Variants in MYO3B observed in about 807,000 individuals in gnomAD.
MYO3B encodes the protein myosin-IIIb.
In MYO3B, 156 loss-of-function variants were observed where a neutral mutation model predicts 174.6. The observed-to-expected ratio is 0.89, with a 90% CI of 0.78 to 1.02. The LOEUF (loss-of-function observed/expected upper bound fraction) is 1.02. MYO3B is among the 50% of genes least tolerant of loss of function. The pLI, the probability that MYO3B is intolerant of heterozygous loss-of-function variation, is 0.00. For synonymous variants in MYO3B, 563 were observed against 569.1 expected, an observed-to-expected ratio of 0.99 and a Z score of 0.15; for missense variants, 1,632 against 1,639.4, an observed-to-expected ratio of 1.00 and a Z score of 0.08.
At chr2:170,360,561 A>G (rs564167007) in intron 8 of MYO3B, among the ~76,000 whole-genome samples, 1 of 152,358 alleles carries the variant, frequency 6.6e-6, no homozygotes, top group East Asian at 1.9e-4. Flanking sequence ...TGAGCACAGT[A>G]TTATTAAAAT....
intron 7 of MYO3B, among the ~76,000 whole-genome samples, chr2:170,272,617 C>G (rs1289531290): frequency 6.6e-6 from 1 of 152,152 alleles, no homozygotes; most frequent in Non-Finnish European, 1.5e-5. Flanking sequence ...TTGAGAGTGT[C>G]TCCCAAAAAC....
intron 26 of MYO3B, among the ~76,000 whole-genome samples, chr2:170,499,267 CA>C (rs925709612): frequency 3.9e-5 from 6 of 152,182 alleles, no homozygotes; most frequent in Non-Finnish European, 8.8e-5. Flanking sequence ...CTAGGTACCT[CA>C]CCCTCTGAAC....
chr2:170,397,939 C>G (rs894893400), intron 16 of MYO3B, among the ~76,000 whole-genome samples: 10 of 152,110 alleles, frequency 6.6e-5, no homozygotes, highest in Admixed American at 6.6e-4. Flanking sequence ...GGATACAACT[C>G]TGCTGGGCGT....
rs2094733865 is a variant in MYO3B at position 170,434,241 on chromosome 2, G to C, written c.2651-9726G>C. Among the ~76,000 whole-genome samples, 5 of 152,288 alleles carry C rather than the reference G, an allele frequency of 3.3e-5. No individual in the cohort carries two copies. In the South Asian group the frequency reaches 1.0e-3, roughly 32 times the overall value. On this transcript the variant is annotated intron_variant, in intron 22 of 34. Transcript: ENST00000408978. ...GTCTTGCTCTGTTGCCCAGGCTAGA[G>C]TACAGTGGTGTGATCATGGCTCACT...
chr2:170,267,164 G>A (rs1401279), intron 7 of MYO3B, among the ~76,000 whole-genome samples: 5,444 of 140,334 alleles, frequency 0.039, 311 homozygotes, highest in African/African-American at 0.13. Flanking sequence ...GTGGGAATTG[G>A]GTTCTGCACC....
At chr2:170,594,820 A>AGC (rs1012147794) in intron 32 of MYO3B, among the ~76,000 whole-genome samples, 100 of 129,282 alleles carry the variant, frequency 7.7e-4, no homozygotes, top group South Asian at 1.8e-3. Context: ...ACTCTTTCCC[A>AGC]GCGCGCGCAC....
chr2:170,445,394 T>C (rs1465973923), intron 23 of MYO3B, among the ~76,000 whole-genome samples: 2 of 151,982 alleles, frequency 1.3e-5, no homozygotes, highest in Non-Finnish European at 2.9e-5. Context: ...CAGGCTGGAG[T>C]GCAATGGCGT....
At chr2:170,517,525 A>G (rs1314339487) in intron 29 of MYO3B, among the ~76,000 whole-genome samples, 1 of 151,762 alleles carries the variant, frequency 6.6e-6, no homozygotes, top group Non-Finnish European at 1.5e-5. Flanking sequence ...TTAGTTTTTT[A>G]ACTGAGGATC....
intron 22 of MYO3B, among the ~76,000 whole-genome samples, chr2:170,420,285 A>G (rs1321168392): frequency 1.3e-5 from 2 of 152,226 alleles, no homozygotes; most frequent in East Asian, 1.9e-4. Flanking sequence ...TGAAAAATCT[A>G]TGAAATGGGA....
At chr2:170,388,259 G>A (rs974085409) in intron 14 of MYO3B, among the ~76,000 whole-genome samples, 1 of 152,124 alleles carries the variant, frequency 6.6e-6, no homozygotes, top group African/African-American at 2.4e-5. Context: ...ATATGAGGAA[G>A]CAGTAGGGGA....
At chr2:170,561,962 AAACCTCAG>A (rs1341028341) in intron 32 of MYO3B, among the ~76,000 whole-genome samples, 2 of 152,212 alleles carry the variant, frequency 1.3e-5, no homozygotes, top group African/African-American at 4.8e-5. Context: ...CTTTAAAAAA[AAACCTCAG>A]AATTCTTGAA....
chr2:170,428,482 A>G (rs953926722), intron 22 of MYO3B, among the ~76,000 whole-genome samples: 1 of 151,766 alleles, frequency 6.6e-6, no homozygotes, highest in Non-Finnish European at 1.5e-5. Flanking sequence ...AACTTTTTTT[A>G]CTCCAACTTG....
Position 170,254,440 on chromosome 2 carries a change from C to T in MYO3B, c.749+18304C>T, listed in dbSNP as rs551031311. Among the ~76,000 whole-genome samples, 8 of 152,226 alleles carry T rather than the reference C, an allele frequency of 5.3e-5. No homozygotes were observed. In the South Asian group the frequency reaches 6.2e-4, roughly 12 times the overall value. The stretch of plus-strand genomic sequence containing the variant: ...GCCTTTCCTGCGGGACTCGGGGGGG[C>T]GCATCTGATCTGCATGCTCCCAGTG... On this transcript the variant is annotated intron_variant, in intron 7 of 34. Coordinates refer to ENST00000408978, the MANE Select transcript of MYO3B (RefSeq NM_138995.5).
At chr2:170,401,802 C>CGT in intron 18 of MYO3B, 111 bp downstream of exon 18, 2 of 698,088 alleles carry the variant, frequency 2.9e-6, no homozygotes, top group Non-Finnish European at 2.2e-6. Flanking sequence ...CTTTCTTTTT[C>CGT]TTTTTTTTTT....
At chr2:170,526,294 AAG>A (rs1184524479) in intron 30 of MYO3B, among the ~76,000 whole-genome samples, 4 of 152,230 alleles carry the variant, frequency 2.6e-5, no homozygotes, top group Non-Finnish European at 5.9e-5. Context: ...AATACTCAAT[AAG>A]AGATTATGGC....
chr2:170,355,957 A>G (rs1445100467), intron 8 of MYO3B, among the ~76,000 whole-genome samples: 2 of 151,082 alleles, frequency 1.3e-5, no homozygotes, highest in Non-Finnish European at 2.9e-5. Flanking sequence ...TTATTTATTT[A>G]TTTTTATTTT....
chr2:170,383,215 G>C, intron 11 of MYO3B, 26 bp downstream of exon 11: 1 of 1,348,324 alleles, frequency 7.4e-7, no homozygotes, highest in Non-Finnish European at 1.1e-6. Context: ...AGAGCATACT[G>C]CTCCTTAATA....
Position 170,401,514 on chromosome 2 carries a change from T to C in MYO3B, c.1952T>C (p.Leu651Pro). ...GTTCTGTGCATTAGCCCTGAAGAGC[T>C]CCAGGAGGCCCTCACCTCCCACTGT... is the stretch of plus-strand genomic sequence containing the variant. ...ASVLCISPEE[L>P]QEALTSHCVV... The change falls in exon 18 of 35, where the codon CTC becomes CCC. Residue 651 changes from leucine to proline, a missense_variant. Transcript: ENST00000408978. 6.2e-7 allele frequency: 1 copy of C among 1,614,132 alleles called. No individual in the cohort carries two copies. Among genetic ancestry groups the C allele is most frequent in the African/African-American group, 1.3e-5 (1 of 75,046 alleles).
chr2:170,196,242 C>T (rs1178997569), intron 1 of MYO3B, among the ~76,000 whole-genome samples: 1 of 152,174 alleles, frequency 6.6e-6, no homozygotes, highest in Admixed American at 6.5e-5. Context: ...TGTGGTGGCT[C>T]ATGTCTGTAA....
Sources: gnomAD v4.1 joint callset for allele counts (sites outside exome capture counted in the v4.1 genomes callset) on GRCh38, gnomAD v4.1.1 for gene constraint, MANE v1.5 for transcripts, NCBI Gene and HGNC (gene_info 2026-07-23, HGNC 2026-07-21) for gene names.